USO1: variants seen among roughly 807,000 people sequenced by gnomAD.
USO1 encodes the protein USO1 vesicle transport factor.
Under a neutral mutation model 124.5 loss-of-function variants are expected in USO1, and 57 were observed. That is an observed-to-expected ratio of 0.46 (90% CI 0.37 to 0.57). USO1 has a LOEUF of 0.57. Ranked by LOEUF, USO1 falls within the 20% of genes least tolerant of loss-of-function variation. The pLI, the probability that USO1 is intolerant of heterozygous loss-of-function variation, is 0.00. For missense variants in USO1, 900 were observed against 1,040.6 expected (o/e 0.86, Z 1.86); for synonymous variants, 369 against 362.8 (o/e 1.02, Z -0.19).
intron 23 of USO1, among the ~76,000 whole-genome samples, chr4:75,812,802 C>G (rs1723187261): frequency 6.6e-6 from 1 of 152,122 alleles, no homozygotes; most frequent in African/African-American, 2.4e-5. Context: ...GGCTTATATT[C>G]TACTGTAGTT....
chr4:75,785,922 T>G (rs1014694480), intron 9 of USO1, among the ~76,000 whole-genome samples: 1 of 152,134 alleles, frequency 6.6e-6, no homozygotes, highest in African/African-American at 2.4e-5. Context: ...GAAATCTCAC[T>G]AGAAAAGTCC....
At position 75,787,130 on chromosome 4, in the gene USO1, C is replaced by T; in HGVS notation, c.924C>T (p.Phe308=). The change falls in exon 10 of 24, where the codon TTC becomes TTT. Residue 308 remains phenylalanine (F), a synonymous_variant. Transcript: ENST00000514213. ...GATSSCQKAM[F]QCGLLQQLCT... is the part of the protein sequence containing the mutation. ...CCAGTAGCTGCCAGAAGGCTATGTT[C>T]CAGTGTGGGTTATTGCAGCAGCTTT... The T allele has an allele frequency of 1.2e-6, 2 of 1,608,010 alleles. No individual in the cohort carries two copies. The highest frequency in any genetic ancestry group is 1.3e-5 in the African/African-American group (1 of 74,442).
At chr4:75,788,522 ATTTTC>A (rs1274358872) in intron 10 of USO1, among the ~76,000 whole-genome samples, 20 of 143,274 alleles carry the variant, frequency 1.4e-4, no homozygotes, top group South Asian at 4.5e-4. Context: ...ATTTTTCTTA[ATTTTC>A]TTTTCTTTTC....
chr4:75,751,688 A>C (rs886728295), intron 1 of USO1, among the ~76,000 whole-genome samples: 2 of 151,432 alleles, frequency 1.3e-5, no homozygotes, highest in Admixed American at 1.3e-4. Context: ...AAAATTAGCC[A>C]GGCATGGTGG....
At chr4:75,742,814 T>C (rs1310584300) in intron 1 of USO1, among the ~76,000 whole-genome samples, 2 of 152,198 alleles carry the variant, frequency 1.3e-5, no homozygotes, top group African/African-American at 4.8e-5. Flanking sequence ...TCCTATCATG[T>C]AGATGAGAGT....
intron 13 of USO1, among the ~76,000 whole-genome samples, chr4:75,796,989 G>C (rs178939): frequency 1.4e-5 from 2 of 147,510 alleles, no homozygotes; most frequent in South Asian, 4.3e-4. Flanking sequence ...GTCATACTTA[G>C]AAAAGGCCTT....
At chr4:75,807,498 A>G (rs1284466729) in intron 20 of USO1, among the ~76,000 whole-genome samples, 1 of 152,170 alleles carries the variant, frequency 6.6e-6, no homozygotes, top group Non-Finnish European at 1.5e-5. Context: ...TGAAAGAGAA[A>G]TGACTGAACA....
In USO1 at chr4:75,800,639, T is replaced by A. The variant is rs764325814; in HGVS notation, c.1704T>A (p.Ile568=). The part of the protein sequence containing the change: ...SYMKEKLKQL[I]EKRIGKENFI... The stretch of plus-strand genomic sequence containing the variant: ...GTAGAGAGAAGCTAAAACAACTGAT[T>A]GAGAAGAGGATTGGCAAAGAGAATT... Residue 568 remains isoleucine, a synonymous_variant, in exon 16 of 24, where the codon ATT becomes ATA. Coordinates refer to ENST00000514213, the MANE Select transcript of USO1 (RefSeq NM_003715.4). The A allele has an allele frequency of 7.6e-6, 12 of 1,571,080 alleles. No individual in the cohort carries two copies. Among genetic ancestry groups the A allele is most frequent in the Middle Eastern group, 1.7e-4 (1 of 5,832 alleles).
intron 1 of USO1, among the ~76,000 whole-genome samples, chr4:75,729,491 C>T (rs2149135710): frequency 6.6e-6 from 1 of 152,214 alleles, no homozygotes; most frequent in African/African-American, 2.4e-5. Flanking sequence ...AGGTGCACGC[C>T]ACCACGCCAG....
At chr4:75,745,921 C>A (rs1452694239) in intron 1 of USO1, among the ~76,000 whole-genome samples, 4 of 150,494 alleles carry the variant, frequency 2.7e-5, no homozygotes, top group Admixed American at 6.6e-5. Flanking sequence ...AAAAAAAAAA[C>A]GAAAAAAACA....
chr4:75,798,244 T>C (rs1051732667), intron 13 of USO1, among the ~76,000 whole-genome samples: 2 of 152,206 alleles, frequency 1.3e-5, no homozygotes, highest in African/African-American at 2.4e-5. Context: ...TGTTTTTTTT[T>C]ACTCATACAT....
At chr4:75,733,917 C>G (rs1182333016) in intron 1 of USO1, among the ~76,000 whole-genome samples, 2 of 147,628 alleles carry the variant, frequency 1.4e-5, no homozygotes, top group Admixed American at 6.8e-5. Flanking sequence ...GATGATATCT[C>G]CTAGATTTTC....
At chr4:75,797,701 T>C (rs1290837349) in intron 13 of USO1, among the ~76,000 whole-genome samples, 1 of 152,072 alleles carries the variant, frequency 6.6e-6, no homozygotes, top group Non-Finnish European at 1.5e-5. Flanking sequence ...GAGCGCAGTG[T>C]TGTGATCTCG....
At chr4:75,783,204 T>C (rs947920020) in intron 9 of USO1, among the ~76,000 whole-genome samples, 1 of 152,204 alleles carries the variant, frequency 6.6e-6, no homozygotes, top group African/African-American at 2.4e-5. Context: ...TTTCTTCACT[T>C]AGGGCTCTAA....
chr4:75,782,511 G>C (rs1456245308), intron 8 of USO1, among the ~76,000 whole-genome samples, 169 bp from the exon 9 acceptor site: 4 of 152,232 alleles, frequency 2.6e-5, no homozygotes, highest in Non-Finnish European at 5.9e-5. Context: ...ACCTGAGAAA[G>C]AGCATGCAGG....
In USO1 at chr4:75,808,989, T is replaced by C. The variant is rs749269354; in HGVS notation, c.2413T>C (p.Ser805Pro). 2.5e-6 allele frequency: 4 copies of C among 1,605,080 alleles called. No individual in the cohort carries two copies. Among genetic ancestry groups the C allele is most frequent in the East Asian group, 2.2e-5 (1 of 44,654 alleles). Residue 805 changes from serine (S) to proline (P), a missense_variant, in exon 21 of 24, where the codon TCT becomes CCT. Coordinates refer to ENST00000514213, the MANE Select transcript of USO1 (RefSeq NM_003715.4). ...TTTAAAGTCTCAGTTAAACTCACAA[T>C]CTGTGGAGATCACCAAACTACAGAC... is the stretch of plus-strand genomic sequence containing the variant. ...ATLKSQLNSQ[S>P]VEITKLQTEK...
chr4:75,784,115 G>A lies in USO1; in HGVS notation c.855+1257G>A, dbSNP rs995647465. On this transcript the variant is annotated intron_variant, in intron 9 of 23. Coordinates refer to ENST00000514213, the MANE Select transcript of USO1 (RefSeq NM_003715.4). ...AGCTTATTGCAGCCTCAACCTCCCTGGCTCAAGAAATCCCCCCACCTCAGC... is the reference window on the plus strand; with the variant it reads ...AGCTTATTGCAGCCTCAACCTCCCTAGCTCAAGAAATCCCCCCACCTCAGC... Among the ~76,000 whole-genome samples the A allele has an allele frequency of 3.3e-5, 5 of 152,312 alleles. No homozygotes were observed. In the South Asian group the frequency reaches 1.0e-3, roughly 32 times the overall value.
chr4:75,780,578 T>C (rs1310093734), intron 8 of USO1, among the ~76,000 whole-genome samples: 3 of 150,320 alleles, frequency 2.0e-5, no homozygotes, highest in Non-Finnish European at 4.4e-5. Flanking sequence ...GCCAATAATA[T>C]TGTTTTCATA....
intron 22 of USO1, 54 bp downstream of exon 22, chr4:75,810,593 G>T: frequency 6.7e-7 from 1 of 1,498,568 alleles, no homozygotes. Context: ...ATGAACTCTA[G>T]GAAATTTTAT....
Sources: allele counts gnomAD v4.1 joint callset (sites outside exome capture counted in the v4.1 genomes callset), GRCh38; gene constraint gnomAD v4.1.1; transcripts MANE v1.5; gene names NCBI Gene and HGNC (gene_info 2026-07-23, HGNC 2026-07-21).